The following HEATR1 variants were observed in gnomAD, a reference collection of about 807,000 sequenced individuals.
HEATR1 encodes HEAT repeat containing 1.
HEATR1 carries 77 observed loss-of-function variants against 248.2 expected under a neutral mutation model. The ratio of observed to expected loss-of-function variants is 0.31; its 90% confidence interval spans 0.26 to 0.37. The LOEUF is 0.37. HEATR1 is among the 10% of genes least tolerant of loss of function. HEATR1 has a pLI of 1.00. For missense variants in HEATR1, 2,420 were observed against 2,504.9 expected, an observed-to-expected ratio of 0.97 and a Z score of 0.72; for synonymous variants, 897 against 923.1, an observed-to-expected ratio of 0.97 and a Z score of 0.51.
intron 12 of HEATR1, among the ~76,000 whole-genome samples, chr1:236,590,318 C>G (rs1182886921): frequency 2.6e-5 from 4 of 152,136 alleles, no homozygotes; most frequent in Non-Finnish European, 1.5e-5. Flanking sequence ...GCCTCAACCT[C>G]TCACACCCAA....
At chr1:236,561,306 G>A (rs1423940779) in intron 32 of HEATR1, 35 bp from the exon 33 acceptor site, 1 of 1,512,888 alleles carries the variant, frequency 6.6e-7, no homozygotes, top group Non-Finnish European at 9.1e-7. Context: ...AGAACGGTAG[G>A]GAAGTCAATA....
At chr1:236,585,284 G>T (rs2103145486) in intron 16 of HEATR1, 68 bp from the exon 17 acceptor site, 2 of 1,294,688 alleles carry the variant, frequency 1.5e-6, no homozygotes, top group East Asian at 2.3e-5. Context: ...TTCAACTCAG[G>T]TCTATCTAGG....
chr1:236,583,933 C>A (rs976689146), intron 17 of HEATR1, among the ~76,000 whole-genome samples: 5 of 151,994 alleles, frequency 3.3e-5, no homozygotes, highest in African/African-American at 1.2e-4. Flanking sequence ...TTTAAACAAG[C>A]AGCAAAATGT....
chr1:236,556,701 T>C (rs1234014612), intron 37 of HEATR1, among the ~76,000 whole-genome samples: 1 of 152,194 alleles, frequency 6.6e-6, no homozygotes, highest in Non-Finnish European at 1.5e-5. Context: ...AAATGGCAAA[T>C]GATCAACACA....
At chr1:236,560,020 A>C (rs2103126942) in intron 33 of HEATR1, among the ~76,000 whole-genome samples, 183 bp from the exon 34 acceptor site, 1 of 152,364 alleles carries the variant, frequency 6.6e-6, no homozygotes, top group South Asian at 2.1e-4. Context: ...GAGATCATCA[A>C]GAAGTAACTA....
At chr1:236,566,542 T>C (rs1663275305) in intron 30 of HEATR1, 104 bp downstream of exon 30, 1 of 843,892 alleles carries the variant, frequency 1.2e-6, no homozygotes, top group Non-Finnish European at 1.9e-6. Flanking sequence ...AGGTTCTAAA[T>C]AACACACATT....
At chr1:236,580,108 C>T (rs1165116448) in intron 20 of HEATR1, among the ~76,000 whole-genome samples, 1 of 152,136 alleles carries the variant, frequency 6.6e-6, no homozygotes, top group Non-Finnish European at 1.5e-5. Context: ...TGCCACATCC[C>T]CTCATGTCAA....
At chr1:236,602,636 G>A (rs1313960990) in intron 3 of HEATR1, among the ~76,000 whole-genome samples, 1 of 152,150 alleles carries the variant, frequency 6.6e-6, no homozygotes, top group Non-Finnish European at 1.5e-5. Flanking sequence ...CAGAACTAAC[G>A]AGGTTAGGCT....
chr1:236,576,723 A>G (rs1454500367), intron 21 of HEATR1, 57 bp downstream of exon 21: 1 of 1,473,230 alleles, frequency 6.8e-7, no homozygotes, highest in Non-Finnish European at 9.2e-7. Flanking sequence ...AATGGAGAAA[A>G]TTGCTCCAGT....
chr1:236,554,504 A>T, intron 42 of HEATR1, 94 bp downstream of exon 42: 1 of 1,144,366 alleles, frequency 8.7e-7, no homozygotes, highest in Non-Finnish European at 1.3e-6. Flanking sequence ...ACAAAGAAAA[A>T]TCCTAGCAAG....
At chr1:236,581,631 C>A (rs1663744376) in intron 19 of HEATR1, among the ~76,000 whole-genome samples, 1 of 152,166 alleles carries the variant, frequency 6.6e-6, no homozygotes, top group South Asian at 2.1e-4. Context: ...TAACCTTGCA[C>A]TTGAAAACAC....
intron 20 of HEATR1, among the ~76,000 whole-genome samples, chr1:236,577,932 A>T (rs575996086): frequency 2.6e-5 from 4 of 152,330 alleles, no homozygotes; most frequent in African/African-American, 9.6e-5. Context: ...AGCCTTGTAC[A>T]AGCGTGCACG....
intron 24 of HEATR1, among the ~76,000 whole-genome samples, chr1:236,573,540 T>A (rs1012955391): frequency 6.6e-6 from 1 of 152,194 alleles, no homozygotes; most frequent in African/African-American, 2.4e-5. Context: ...GGAATTATTT[T>A]TTTTTTTACT....
intron 42 of HEATR1, among the ~76,000 whole-genome samples, chr1:236,554,373 C>CAAA (rs1662880211): frequency 6.6e-6 from 1 of 152,186 alleles, no homozygotes; most frequent in African/African-American, 2.4e-5. Context: ...GCCTGGGTGA[C>CAAA]AGAGCAAGAC....
intron 37 of HEATR1, among the ~76,000 whole-genome samples, chr1:236,556,713 TG>T (rs1477885835): frequency 6.6e-6 from 1 of 152,174 alleles, no homozygotes; most frequent in East Asian, 1.9e-4. Flanking sequence ...ATCAACACAA[TG>T]GAACAGCCAG....
At chr1:236,551,900 C>T in intron 44 of HEATR1, 99 bp downstream of exon 44, 3 of 796,176 alleles carry the variant, frequency 3.8e-6, no homozygotes, top group East Asian at 2.5e-5. Flanking sequence ...CTGCTAGTCA[C>T]GTTATATCCA....
rs1321676799 is a variant in HEATR1, at chr1:236,557,109, T to G, written c.5355+86A>C. The G allele has an allele frequency of 2.1e-6, 3 of 1,418,546 alleles. No homozygotes were observed. In the African/African-American group the frequency reaches 4.3e-5, roughly 20 times the overall value. 87.9% of individuals were successfully genotyped at this position (1,418,546 alleles called of 1,614,324 possible). ...CTTTCTGTCAAACGGAAACTAACCC[T>G]TAAAGAAAAAACAAAATCACTACAT... On this transcript the variant is annotated intron_variant, in intron 37 of 44. Coordinates refer to ENST00000366582, the MANE Select transcript of HEATR1 (RefSeq NM_018072.6).
At chr1:236,551,269 C>A (rs1042437808) in intron 44 of HEATR1, 3 of 406,938 alleles carry the variant, frequency 7.4e-6, no homozygotes, top group Non-Finnish European at 1.3e-5. Flanking sequence ...GCTCACACCT[C>A]CCCCCTCCAA....
Position 236,574,472 on chromosome 1 carries a change from A to T in HEATR1, c.3328-139T>A, listed in dbSNP as rs111710438. On this transcript the variant is annotated intron_variant, in intron 23 of 44. Coordinates refer to ENST00000366582, the MANE Select transcript of HEATR1 (RefSeq NM_018072.6). ...AGTTAAAATGCAATTCTTTTTAATG[A>T]CCCATGTACAACGTTCAGTTTTCAA... 24 of 1,208,978 alleles carry T rather than the reference A, an allele frequency of 2.0e-5. No individual in the cohort carries two copies. In the African/African-American group the frequency reaches 3.7e-4, roughly 19 times the overall value. 74.9% of individuals were successfully genotyped at this position (1,208,978 alleles called of 1,614,324 possible). A position where few individuals can be genotyped will look rare whatever the true frequency, so the allele number is the denominator to read the frequency against.
Sources: gnomAD v4.1 joint callset for allele counts (sites outside exome capture counted in the v4.1 genomes callset) on GRCh38, gnomAD v4.1.1 for gene constraint, MANE v1.5 for transcripts, NCBI Gene and HGNC (gene_info 2026-07-23, HGNC 2026-07-21) for gene names.